The following DENND2C variants were observed in gnomAD, a reference collection of about 807,000 sequenced individuals.
DENND2C encodes DENN domain containing 2C.
Under a neutral mutation model 112.4 loss-of-function variants are expected in DENND2C, and 72 were observed. That is an observed-to-expected ratio of 0.64 (90% confidence interval 0.53 to 0.78). DENND2C has a LOEUF of 0.78. Ranked by LOEUF, DENND2C falls within the 30% of genes least tolerant of loss-of-function variation. DENND2C has a pLI of 0.00. For missense variants in DENND2C, 992 were observed against 1,113.8 expected (o/e 0.89, Z 1.56); for synonymous variants, 329 against 381.6 (o/e 0.86, Z 1.61).
chr1:114,661,160 T>C (rs1258855031), intron 1 of DENND2C, among the ~76,000 whole-genome samples: 2 of 149,644 alleles, frequency 1.3e-5, no homozygotes, highest in Non-Finnish European at 3.0e-5. Context: ...CTTCACTACC[T>C]AAAAGCACAG....
chr1:114,601,632 T>C, intron 12 of DENND2C, 47 bp from the exon 13 acceptor site: 4 of 1,521,818 alleles, frequency 2.6e-6, no homozygotes, highest in Non-Finnish European at 3.6e-6. Context: ...CCGCATACAT[T>C]TTTATTAATA....
In DENND2C at chr1:114,605,330, G is replaced by C. The variant is rs148625715; in HGVS notation, c.1558-299C>G. ...ATTAGTGAAAAGTTTCCTATCAAGAGGTAAAATCTTAATTCAGGATTCACA... is the reference window on the plus strand; with the variant it reads ...ATTAGTGAAAAGTTTCCTATCAAGACGTAAAATCTTAATTCAGGATTCACA... On this transcript the variant is annotated intron_variant, in intron 10 of 20. Coordinates refer to ENST00000393274, the MANE Select transcript of DENND2C (RefSeq NM_001256404.2). 9.3e-4 allele frequency among the ~76,000 whole-genome samples: 142 copies of C among 152,292 alleles called. 1 individual carries two copies. Among genetic ancestry groups the C allele is most frequent in the Middle Eastern group, 3.4e-3 (1 of 294 alleles).
At chr1:114,604,493 A>C (rs1452604511) in intron 11 of DENND2C, among the ~76,000 whole-genome samples, 8 of 152,168 alleles carry the variant, frequency 5.3e-5, no homozygotes. Flanking sequence ...CCACAGAGGA[A>C]CATAAAAGCT....
At chr1:114,607,085 G>A (rs1217158087) in intron 10 of DENND2C, among the ~76,000 whole-genome samples, 1 of 152,198 alleles carries the variant, frequency 6.6e-6, no homozygotes, top group East Asian at 1.9e-4. Context: ...AGTAGTCACT[G>A]AGTAGGGGTG....
intron 20 of DENND2C, among the ~76,000 whole-genome samples, chr1:114,585,913 T>C (rs373618726): frequency 2.0e-5 from 3 of 152,268 alleles, no homozygotes; most frequent in Non-Finnish European, 1.5e-5. Flanking sequence ...TCCCCAGAGA[T>C]TTCCTGGAGC....
intron 1 of DENND2C, among the ~76,000 whole-genome samples, chr1:114,659,781 TTCCC>T (rs71093604): frequency 0.86 from 117,549 of 136,080 alleles, 51,202 homozygotes; most frequent in African/African-American, 0.94. Context: ...CCTTCCTTCC[TTCCC>T]TCCCTCCCTC....
At chr1:114,633,456 A>G (rs868570493) in intron 3 of DENND2C, among the ~76,000 whole-genome samples, 6 of 149,642 alleles carry the variant, frequency 4.0e-5, no homozygotes, top group African/African-American at 9.9e-5. Flanking sequence ...AAAAAAAAAA[A>G]AAAAAAGAAA....
chr1:114,651,722 G>C (rs1189137489), intron 2 of DENND2C, among the ~76,000 whole-genome samples: 1 of 152,210 alleles, frequency 6.6e-6, no homozygotes, highest in African/African-American at 2.4e-5. Flanking sequence ...GGGTGACAGA[G>C]TGAGATTTTG....
rs576774915 is a variant in DENND2C at position 114,596,317 on chromosome 1, C to A, written c.2284-444G>T. On this transcript the variant is annotated intron_variant, in intron 16 of 20. Transcript: ENST00000393274. ...GTCAAGGCTGCAGTGACTGTGATTG[C>A]GCCAATGCACTCCAGCCTGGGTGAC... is the stretch of plus-strand genomic sequence containing the variant. Among the ~76,000 whole-genome samples the A allele has an allele frequency of 2.0e-5, 3 of 152,090 alleles. No individual in the cohort carries two copies. In the East Asian group the frequency reaches 5.8e-4, roughly 29 times the overall value.
At chr1:114,601,683 C>T (rs12730318) in intron 12 of DENND2C, 98 bp from the exon 13 acceptor site, 242,711 of 1,007,568 alleles carry the variant, frequency 0.24, 32,677 homozygotes, top group Non-Finnish European at 0.28. Context: ...CTCTTTAGTA[C>T]GGAGCAGTAA....
intron 8 of DENND2C, among the ~76,000 whole-genome samples, chr1:114,617,180 C>G (rs940483335): frequency 9.2e-5 from 14 of 152,176 alleles, no homozygotes; most frequent in Middle Eastern, 3.2e-3. Context: ...ACAGCCAAAC[C>G]ATATCCCCAG....
rs1374723675 is a variant in DENND2C, at chr1:114,585,172, G to A, written c.*428C>T. ...GATAGTTCAGTGATGAGAATTATGT[G>A]TATAAGGCTAGTGTTCTCCATTTCC... is the stretch of plus-strand genomic sequence containing the variant. On this transcript the variant is annotated 3_prime_UTR_variant, in exon 21 of 21. Coordinates refer to ENST00000393274, the MANE Select transcript of DENND2C (RefSeq NM_001256404.2). 2 of 178,624 alleles carry A rather than the reference G, an allele frequency of 1.1e-5. No homozygotes were observed. Among genetic ancestry groups the A allele is most frequent in the East Asian group, 1.4e-4 (1 of 7,068 alleles). 11.1% of individuals were successfully genotyped at this position (178,624 alleles called of 1,614,324 possible).
intron 4 of DENND2C, among the ~76,000 whole-genome samples, chr1:114,624,048 C>G: frequency 6.6e-6 from 1 of 152,092 alleles, no homozygotes; most frequent in Admixed American, 6.6e-5. Flanking sequence ...GTATGGGAGA[C>G]AGAAATAAAT....
At chr1:114,592,042 A>T (rs1341220418) in intron 18 of DENND2C, among the ~76,000 whole-genome samples, 2 of 151,746 alleles carry the variant, frequency 1.3e-5, no homozygotes, top group Non-Finnish European at 2.9e-5. Flanking sequence ...GTACCACCAC[A>T]CCCAGCTAAT....
intron 4 of DENND2C, among the ~76,000 whole-genome samples, chr1:114,624,381 A>G (rs1478670777): frequency 6.6e-6 from 1 of 152,176 alleles, no homozygotes; most frequent in East Asian, 1.9e-4. Flanking sequence ...GGCTCACTGT[A>G]GCCTGAGCTT....
chr1:114,601,722 A>G (rs1655509521), intron 12 of DENND2C, 137 bp from the exon 13 acceptor site: 1 of 713,508 alleles, frequency 1.4e-6, no homozygotes, highest in Admixed American at 2.9e-5. Context: ...GTGAACACTG[A>G]AAGATGTGAA....
intron 2 of DENND2C, among the ~76,000 whole-genome samples, chr1:114,646,088 G>A (rs1250472427): frequency 5.3e-5 from 8 of 151,806 alleles, no homozygotes; most frequent in African/African-American, 7.3e-5. Context: ...CACCACACCC[G>A]GCTAATTTTT....
chr1:114,642,149 C>A (rs1162945302), intron 3 of DENND2C, among the ~76,000 whole-genome samples: 1 of 152,060 alleles, frequency 6.6e-6, no homozygotes, highest in African/African-American at 2.4e-5. Flanking sequence ...ACGGGTTTCA[C>A]CCTGTTGGGC....
intron 1 of DENND2C, among the ~76,000 whole-genome samples, chr1:114,660,711 T>C (rs1188393524): frequency 6.6e-6 from 1 of 152,208 alleles, no homozygotes; most frequent in Non-Finnish European, 1.5e-5. Flanking sequence ...GCTATTCAAT[T>C]GCTCATAATT....
Sources: allele counts gnomAD v4.1 joint callset (sites outside exome capture counted in the v4.1 genomes callset), GRCh38; gene constraint gnomAD v4.1.1; transcripts MANE v1.5; gene names NCBI Gene and HGNC (gene_info 2026-07-23, HGNC 2026-07-21).